NAV1: variants seen among roughly 807,000 people sequenced by gnomAD.
NAV1 encodes the protein neuron navigator 1.
NAV1 carries 18 observed loss-of-function variants against 175.2 expected under a neutral mutation model. That is an observed-to-expected ratio of 0.10 (90% confidence interval 0.07 to 0.15). The LOEUF (loss-of-function observed/expected upper bound fraction) is 0.15, where lower values mean the gene tolerates loss of function less well. Ranked by LOEUF, NAV1 falls within the 10% of genes least tolerant of loss-of-function variation. NAV1 has a pLI of 1.00. For synonymous variants in NAV1, 897 were observed against 978.7 expected (o/e 0.92, Z 1.56); for missense variants, 1,731 against 2,436.6 (o/e 0.71, Z 6.10).
At position 201,709,461 on chromosome 1, in the gene NAV1, A is replaced by C. The variant is rs140589850; in HGVS notation, c.758-3356A>C. Among the ~76,000 whole-genome samples the C allele has an allele frequency of 4.3e-3, 654 of 152,330 alleles. 5 individuals are homozygous for C. The highest frequency in any genetic ancestry group is 0.015 in the African/African-American group (631 of 41,574). On this transcript the variant is annotated intron_variant, in intron 1 of 29. Transcript: ENST00000367296. ...GCTCCTCAACCTAGGCCCCCTCTGCAGCCTCTGGAGCTCTGGAGGCCTTTC... is the reference window on the plus strand; with the variant it reads ...GCTCCTCAACCTAGGCCCCCTCTGCCGCCTCTGGAGCTCTGGAGGCCTTTC...
chr1:201,672,051 C>T (rs1405253345), intron 1 of NAV1, among the ~76,000 whole-genome samples: 2 of 152,168 alleles, frequency 1.3e-5, no homozygotes, highest in East Asian at 3.9e-4. Flanking sequence ...TCTCTTCTTC[C>T]TTCTCTACTT....
chr1:201,593,266 C>T (rs1356264238), intron 2 of NAV1, among the ~76,000 whole-genome samples: 1 of 152,224 alleles, frequency 6.6e-6, no homozygotes, highest in East Asian at 1.9e-4. Context: ...ATTCATCTAT[C>T]AACCCCACAA....
At chr1:201,558,454 T>TTTTG (rs1251397546) in intron 1 of NAV1, among the ~76,000 whole-genome samples, 6 of 152,102 alleles carry the variant, frequency 3.9e-5, no homozygotes, top group Non-Finnish European at 8.8e-5. Flanking sequence ...GTGTGGTGTT[T>TTTTG]TTTGTTTGTT....
intron 15 of NAV1, chr1:201,797,368 C>T (rs990907957): frequency 6.6e-6 from 1 of 152,094 alleles, no homozygotes; most frequent in Non-Finnish European, 1.5e-5. Flanking sequence ...CAGTTCTATT[C>T]CATTCTTCTA....
At position 201,556,910 on chromosome 1, in the gene NAV1, G is replaced by A. The variant is rs147346318; in HGVS notation, c.-144+17568G>A. On this transcript the variant is annotated intron_variant, in intron 1 of 33. Transcript: ENST00000685211. ...TGTAAAAACAGGGGCTTAATTCTAC[G>A]GGCAAATATCTCAGGCAAAAGCTCA... 9.2e-5 allele frequency among the ~76,000 whole-genome samples: 14 copies of A among 152,240 alleles called. No homozygotes were observed. In the East Asian group the frequency reaches 2.5e-3, roughly 27 times the overall value.
intron 2 of NAV1, among the ~76,000 whole-genome samples, chr1:201,604,657 G>C (rs1408951808): frequency 6.7e-6 from 1 of 149,578 alleles, no homozygotes; most frequent in Non-Finnish European, 1.5e-5. Flanking sequence ...ACTCCAGCCT[G>C]GGTGAAGAGC....
Position 201,809,402 on chromosome 1 carries a change from G to T in NAV1, c.4306-40G>T, listed in dbSNP as rs917946907. On this transcript the variant is annotated intron_variant, in intron 21 of 29. Coordinates refer to ENST00000367296, the Ensembl canonical transcript of NAV1. The stretch of plus-strand genomic sequence containing the variant: ...AGGACCCCGGTTCATGGAGTCATCT[G>T]CAGTGAAGCTCAAGAGCTTTTCCTT... 5 of 1,606,264 alleles carry T rather than the reference G, an allele frequency of 3.1e-6. No individual in the cohort carries two copies. The African/African-American group carries it at 5.3e-5, about 17-fold the overall frequency.
intron 2 of NAV1, among the ~76,000 whole-genome samples, chr1:201,714,018 C>T (rs1672028770): frequency 6.6e-6 from 1 of 152,122 alleles, no homozygotes; most frequent in African/African-American, 2.4e-5. Context: ...ATTCTGTCGC[C>T]CACTGCCTCA....
At chr1:201,715,084 C>G (rs770017512) in intron 2 of NAV1, among the ~76,000 whole-genome samples, 9 of 152,006 alleles carry the variant, frequency 5.9e-5, no homozygotes, top group Middle Eastern at 6.9e-3. Flanking sequence ...CCTAGAGCCA[C>G]TTCCTCTCAT....
chr1:201,649,437 C>A lies in NAV1; in HGVS notation c.757+12C>A. Reference sequence around the variant, plus strand: ...CAGCCAGATGCTGGGTAAGTCCTGCCGCCCCGCCCCGCCCCGCCCCTGGCT... The same window carrying A: ...CAGCCAGATGCTGGGTAAGTCCTGCAGCCCCGCCCCGCCCCGCCCCTGGCT... On this transcript the variant is annotated intron_variant, in intron 1 of 29. Transcript: ENST00000367296. 6.2e-6 allele frequency: 9 copies of A among 1,462,272 alleles called. No homozygotes were observed. Among genetic ancestry groups the A allele is most frequent in the Non-Finnish European group, 8.2e-6 (9 of 1,101,278 alleles). The allele number at this position is 1,462,272 out of a possible 1,614,324, so 90.6% of individuals were successfully genotyped here.
At chr1:201,753,898 A>G (rs972038619) in intron 3 of NAV1, among the ~76,000 whole-genome samples, 3 of 152,180 alleles carry the variant, frequency 2.0e-5, no homozygotes, top group Non-Finnish European at 4.4e-5. Flanking sequence ...CAACTACAGA[A>G]ACCCAAGAAA....
chr1:201,735,532 A>C (rs1000110306), intron 3 of NAV1, among the ~76,000 whole-genome samples: 13 of 152,212 alleles, frequency 8.5e-5, no homozygotes, highest in African/African-American at 3.1e-4. Context: ...TCTGGAAGAC[A>C]CAGGCATTGC....
intron 29 of NAV1, 114 bp from the exon 34 acceptor site, chr1:201,819,723 T>C: frequency 1.2e-6 from 1 of 819,960 alleles, no homozygotes; most frequent in Non-Finnish European, 2.0e-6. Context: ...GGCTTCAAGC[T>C]ATCCTTCCAC....
At position 201,648,443 on chromosome 1, in the gene NAV1, C is replaced by T. The variant is rs932196352; in HGVS notation, c.-226C>T. 2.6e-5 allele frequency: 31 copies of T among 1,170,066 alleles called. No individual in the cohort carries two copies. The African/African-American group carries it at 4.6e-4, about 18-fold the overall frequency. 72.5% of individuals were successfully genotyped at this position (1,170,066 alleles called of 1,614,324 possible). ...TCGCTCCCCGGCTTCCCTGCTCTTT[C>T]CTTTTTCCCGGCTTCCTTCCTCGCG... On this transcript the variant is annotated 5_prime_UTR_variant, in exon 1 of 30. Coordinates refer to ENST00000367296, the Ensembl canonical transcript of NAV1.
rs376006043 is a variant in NAV1, at chr1:201,816,750, T to G, written c.5341-338T>G. 197 of 160,260 alleles carry G rather than the reference T, an allele frequency of 1.2e-3. 1 individual carries two copies. The highest frequency in any genetic ancestry group is 4.9e-3 in the African/African-American group (186 of 37,634). The allele number at this position is 160,260 out of a possible 1,614,324, so 9.9% of individuals were successfully genotyped here. A position where few individuals can be genotyped will look rare whatever the true frequency, so the allele number is the denominator to read the frequency against. ...TGAAGTGCAGTGGCTCACTGCAACC[T>G]CCGCAGGTTCAAGTGATTCTCCTGC... On this transcript the variant is annotated intron_variant, in intron 28 of 29. Transcript: ENST00000367296.
intron 1 of NAV1, among the ~76,000 whole-genome samples, chr1:201,569,131 C>A (rs2102168965): frequency 6.6e-6 from 1 of 152,336 alleles, no homozygotes; most frequent in East Asian, 1.9e-4. Flanking sequence ...CACCAGCAGC[C>A]CTGAGGACAG....
In NAV1 at chr1:201,808,110, A is replaced by G. The variant is rs1678420684; in HGVS notation, c.3806A>G (p.Lys1269Arg). The G allele has an allele frequency of 1.9e-6, 3 of 1,614,052 alleles. No homozygotes were observed. Among genetic ancestry groups the G allele is most frequent in the Non-Finnish European group, 2.5e-6 (3 of 1,180,040 alleles). ...ACAGAGACTGCTTCACCCTCCATCA[A>G]GTCCTCCACCTCGTCCTCCGTGGGC... Residue 1269 changes from lysine to arginine, a missense_variant, in exon 18 of 30, where the codon AAG becomes AGG. Lys to Arg is a conservative substitution (Grantham distance 26). Coordinates refer to ENST00000367296, the Ensembl canonical transcript of NAV1. This position sits in a 1 kb window ranked among gnomAD's most constrained non-coding sequence, Gnocchi z 5.5.
At chr1:201,636,113 AG>A in intron 2 of NAV1, among the ~76,000 whole-genome samples, 1 of 152,312 alleles carries the variant, frequency 6.6e-6, no homozygotes, top group Non-Finnish European at 1.5e-5. Flanking sequence ...GCCTGGGCAG[AG>A]ATTGGCCAGC....
At chr1:201,613,652 C>G (rs539768027) in intron 2 of NAV1, among the ~76,000 whole-genome samples, 66 of 152,238 alleles carry the variant, frequency 4.3e-4, no homozygotes, top group Non-Finnish European at 6.2e-4. Context: ...CACCTGAGGT[C>G]AGGAGTTCGA....
Sources: gnomAD v4.1 joint callset for allele counts (sites outside exome capture counted in the v4.1 genomes callset) on GRCh38, gnomAD v4.1.1 for gene constraint, Gnocchi (gnomAD v3.1) non-coding constraint, MANE v1.5 for transcripts, NCBI Gene and HGNC (gene_info 2026-07-23, HGNC 2026-07-21) for gene names.